The following CELF1 variants were observed in gnomAD, a reference collection of about 807,000 sequenced individuals.
CELF1 encodes CUGBP Elav-like family member 1.
CELF1 carries 10 observed loss-of-function variants against 61.8 expected under a neutral mutation model. The ratio of observed to expected loss-of-function variants is 0.16; its 90% CI spans 0.10 to 0.27. CELF1 has a LOEUF of 0.27. Ranked by LOEUF, CELF1 falls within the 10% of genes least tolerant of loss-of-function variation. The probability of loss-of-function intolerance (pLI) is 1.00; values close to 1 mark genes in which losing one functional copy is unlikely to be tolerated. For synonymous variants in CELF1, 236 were observed against 225.1 expected, an observed-to-expected ratio of 1.05 and a Z score of -0.43; for missense variants, 380 against 639.1, an observed-to-expected ratio of 0.59 and a Z score of 4.37.
chr11:47,486,438 C>G (rs2087157698), intron 6 of CELF1, among the ~76,000 whole-genome samples: 1 of 150,914 alleles, frequency 6.6e-6, no homozygotes, highest in Non-Finnish European at 1.5e-5. Context: ...GAGACAGAGT[C>G]TCACTCTGTT....
intron 2 of CELF1, among the ~76,000 whole-genome samples, chr11:47,558,767 AT>A (rs1276446353): frequency 8.6e-6 from 1 of 116,568 alleles, no homozygotes; most frequent in African/African-American, 3.4e-5. Context: ...AATATATATA[AT>A]TGTATATATA....
chr11:47,528,083 T>G (rs1392609180), intron 1 of CELF1, among the ~76,000 whole-genome samples: 3 of 151,132 alleles, frequency 2.0e-5, no homozygotes, highest in Non-Finnish European at 4.4e-5. Context: ...GTGACAAGAG[T>G]GAAAATCTGT....
chr11:47,520,700 C>T (rs1379305711), intron 1 of CELF1, among the ~76,000 whole-genome samples: 1 of 152,036 alleles, frequency 6.6e-6, no homozygotes, highest in Non-Finnish European at 1.5e-5. Flanking sequence ...TGGTCCCAGC[C>T]ACTCAGGAGG....
intron 3 of CELF1, among the ~76,000 whole-genome samples, chr11:47,489,935 G>GTTTTTTTTTTTTGTTTTTTTTTTT (rs2090279863): frequency 2.1e-5 from 1 of 48,226 alleles, no homozygotes; most frequent in South Asian, 9.8e-4. Context: ...ATACCATCTT[G>GTTTTTTTTTTTTGTTTTTTTTTTT]TTTTTTTTTT....
chr11:47,526,234 C>T (rs1456231866), intron 1 of CELF1, among the ~76,000 whole-genome samples: 2 of 152,066 alleles, frequency 1.3e-5, no homozygotes, highest in African/African-American at 2.4e-5. Flanking sequence ...GCAGGAGAAT[C>T]GCTTGAACCT....
chr11:47,519,637 CA>C (rs2095765635), intron 1 of CELF1, among the ~76,000 whole-genome samples: 1 of 152,028 alleles, frequency 6.6e-6, no homozygotes, highest in Non-Finnish European at 1.5e-5. Context: ...TTTGGGAGGC[CA>C]AGGCGGGTGG....
chr11:47,517,674 C>T (rs990780159), intron 1 of CELF1, among the ~76,000 whole-genome samples: 6 of 150,166 alleles, frequency 4.0e-5, no homozygotes, highest in Admixed American at 1.3e-4. Context: ...TTTTTTGAGA[C>T]GAAGTTATGC....
intron 3 of CELF1, chr11:47,495,959 C>T (rs1256344324): frequency 5.1e-6 from 5 of 984,888 alleles, no homozygotes; most frequent in Non-Finnish European, 6.0e-6. Context: ...CTCCACCTCC[C>T]CAGCAGGCAA....
intron 1 of CELF1, among the ~76,000 whole-genome samples, chr11:47,506,589 C>T (rs968008202): frequency 5.9e-5 from 9 of 152,202 alleles, no homozygotes; most frequent in African/African-American, 2.2e-4. Flanking sequence ...CACACGCTCA[C>T]CGCAACAGCT....
chr11:47,492,872 CAAAG>C (rs2153505654), intron 3 of CELF1, among the ~76,000 whole-genome samples: 1 of 152,282 alleles, frequency 6.6e-6, no homozygotes, highest in African/African-American at 2.4e-5. Context: ...AGTGGGTTAA[CAAAG>C]AACCCCAATG....
At chr11:47,538,336 C>G (rs1275405919) in intron 1 of CELF1, among the ~76,000 whole-genome samples, 1 of 152,094 alleles carries the variant, frequency 6.6e-6, no homozygotes, top group Non-Finnish European at 1.5e-5. Flanking sequence ...TGGCTGTGTA[C>G]CAGGTTGTAT....
intron 3 of CELF1, among the ~76,000 whole-genome samples, chr11:47,489,935 G>GTTCTTTTTTTTTTTT (rs1555170252): frequency 2.1e-5 from 1 of 48,226 alleles, no homozygotes. Context: ...ATACCATCTT[G>GTTCTTTTTTTTTTTT]TTTTTTTTTT....
rs1299898524 is a variant in CELF1, at chr11:47,527,874, TCAC to T, written c.-154+25115_-154+25117del. Among the ~76,000 whole-genome samples, 3 of 152,018 alleles carry T rather than the reference TCAC, an allele frequency of 2.0e-5. No individual in the cohort carries two copies. The East Asian group carries it at 5.8e-4, about 29-fold the overall frequency. On this transcript the variant is annotated intron_variant, in intron 1 of 14. Coordinates refer to ENST00000687097, the MANE Select transcript of CELF1 (RefSeq NM_001376376.1). ...ACTTTGGGAGGCCGAGGCAGGTGGA[TCAC>T]CTGAGGTGAGGAGTTCAAGACCAGC...
chr11:47,549,033 G>A (rs1711740996), intron 1 of CELF1, among the ~76,000 whole-genome samples: 1 of 152,028 alleles, frequency 6.6e-6, no homozygotes, highest in Non-Finnish European at 1.5e-5. Context: ...AACATCACTA[G>A]TCAGCAGAGA....
intron 1 of CELF1, among the ~76,000 whole-genome samples, chr11:47,534,022 C>CTTTTT (rs71042679): frequency 5.5e-4 from 48 of 87,596 alleles, no homozygotes; most frequent in Non-Finnish European, 6.6e-4. Flanking sequence ...TTTTTCTTTC[C>CTTTTT]TTTTTTTTTT....
At chr11:47,532,488 G>A (rs963147627) in intron 1 of CELF1, among the ~76,000 whole-genome samples, 2 of 152,240 alleles carry the variant, frequency 1.3e-5, no homozygotes, top group African/African-American at 4.8e-5. Flanking sequence ...CCAGGATGCT[G>A]TAGAAGGGAT....
At chr11:47,504,902 C>CA (rs374401044) in intron 1 of CELF1, among the ~76,000 whole-genome samples, 48,203 of 107,778 alleles carry the variant, frequency 0.45, 10,405 homozygotes, top group South Asian at 0.57. Flanking sequence ...ACTCTGTCAC[C>CA]AAAAAAAAAA....
chr11:47,553,746 C>A (rs879848511), upstream of CELF1, among the ~76,000 whole-genome samples: 11 of 151,980 alleles, frequency 7.2e-5, no homozygotes, highest in Non-Finnish European at 1.5e-4. Context: ...TAAGGAAGTT[C>A]ACAAAGATTC....
intron 8 of CELF1, 141 bp from the exon 9 acceptor site, chr11:47,482,997 A>C (rs1339433125): frequency 1.2e-6 from 1 of 804,950 alleles, no homozygotes; most frequent in Non-Finnish European, 1.9e-6. Flanking sequence ...ACAAGAGAGA[A>C]GAGACTGTAA....
Sources: allele counts gnomAD v4.1 joint callset (sites outside exome capture counted in the v4.1 genomes callset), GRCh38; gene constraint gnomAD v4.1.1; transcripts MANE v1.5; gene names NCBI Gene and HGNC (gene_info 2026-07-23, HGNC 2026-07-21).